The following PARG variants were observed in gnomAD, a reference collection of about 807,000 sequenced individuals.
PARG encodes poly(ADP-ribose) glycohydrolase.
A neutral mutation model predicts 113.0 loss-of-function variants in PARG; 35 were observed. The ratio of observed to expected loss-of-function variants is 0.31; its 90% CI spans 0.24 to 0.41. The LOEUF (loss-of-function observed/expected upper bound fraction) is 0.41, where lower values mean the gene tolerates loss of function less well. Among genes scored for constraint, PARG ranks in the 10% least tolerant of loss-of-function variants. The pLI is 1.00. For missense variants in PARG, 797 were observed against 1,169.4 expected (o/e 0.68, Z 4.64); for synonymous variants, 330 against 409.9 (o/e 0.81, Z 2.36).
chr10:49,903,233 G>A (rs113804691), intron 7 of PARG, among the ~76,000 whole-genome samples: 8,277 of 151,968 alleles, frequency 0.054, 322 homozygotes, highest in Non-Finnish European at 0.087. Context: ...TTGAGGTTGC[G>A]ATGCACTGCA....
chr10:49,922,737 A>G, intron 4 of PARG, 68 bp from the exon 5 acceptor site: 2 of 957,566 alleles, frequency 2.1e-6, no homozygotes, highest in South Asian at 3.4e-5. Flanking sequence ...AAATAATCCT[A>G]AGTAACCAAA....
chr10:49,856,242 C>T lies in PARG; in HGVS notation c.2353+1064G>A, dbSNP rs1334610022. ...TCGCCCAGGCTGCAGTACAGTGGCG[C>T]GATCTCAGCTCACTGCAACCTCTGC... On this transcript the variant is annotated intron_variant, in intron 13 of 17. Coordinates refer to ENST00000616448, the MANE Select transcript of PARG (RefSeq NM_003631.5). 2.2e-4 allele frequency among the ~76,000 whole-genome samples: 33 copies of T among 151,472 alleles called. 1 individual carries two copies. The South Asian group carries it at 3.1e-3, about 14-fold the overall frequency.
chr10:49,818,625 ACCT>A lies in PARG; in HGVS notation c.*712_*714del, dbSNP rs1170716789. 6.6e-6 allele frequency: 1 copy of A among 152,276 alleles called. No homozygotes were observed. Among genetic ancestry groups the A allele is most frequent in the East Asian group, 1.9e-4 (1 of 5,184 alleles). The allele number at this position is 152,276 out of a possible 1,614,324, so 9.4% of individuals were successfully genotyped here. On this transcript the variant is annotated 3_prime_UTR_variant, in exon 18 of 18. Coordinates refer to ENST00000616448, the MANE Select transcript of PARG (RefSeq NM_003631.5). ...GTTTTCTTTACACCACATCAGGAAA[ACCT>A]CCTTTTATTCCACATTTCCTTTCAT...
chr10:49,940,900 G>A (rs1474613522), intron 1 of PARG, among the ~76,000 whole-genome samples: 1 of 152,168 alleles, frequency 6.6e-6, no homozygotes, highest in Admixed American at 6.5e-5. Context: ...CTCAGAATAA[G>A]CATCTCATCT....
Position 49,818,799 on chromosome 10 carries a change from G to A in PARG, c.*541C>T, listed in dbSNP as rs1412623878. ...ATAAAGAAACTATTTTAACCTAGGA[G>A]GTTTGCATTATGCAACACATATGAA... On this transcript the variant is annotated 3_prime_UTR_variant, in exon 18 of 18. Coordinates refer to ENST00000616448, the MANE Select transcript of PARG (RefSeq NM_003631.5). 5 of 152,070 alleles carry A rather than the reference G, an allele frequency of 3.3e-5. No individual in the cohort carries two copies. The allele number at this position is 152,070 out of a possible 1,614,324, so 9.4% of individuals were successfully genotyped here. A position where few individuals can be genotyped will look rare whatever the true frequency, so the allele number is the denominator to read the frequency against.
intron 16 of PARG, among the ~76,000 whole-genome samples, chr10:49,828,119 A>AAAAAAAAAC (rs1554829717): frequency 6.7e-6 from 1 of 149,600 alleles, no homozygotes; most frequent in East Asian, 1.9e-4. Flanking sequence ...AAAAAAAAAA[A>AAAAAAAAAC]AAAGCTCCTT....
At chr10:49,823,703 A>G (rs1317443457) in intron 16 of PARG, among the ~76,000 whole-genome samples, 2 of 152,208 alleles carry the variant, frequency 1.3e-5, no homozygotes, top group East Asian at 3.8e-4. Context: ...CTTTTACTGA[A>G]AATGAAAATT....
rs1260694706 is a variant in PARG, at chr10:49,900,000, A to G, written c.1738-14705T>C. Reference sequence around the variant, plus strand: ...GGAAATAACCTGCAGTTGTCCTTATATTAATTTGACAGTTGCTTAATATGA... The same window carrying G: ...GGAAATAACCTGCAGTTGTCCTTATGTTAATTTGACAGTTGCTTAATATGA... On this transcript the variant is annotated intron_variant, in intron 7 of 17. Coordinates refer to ENST00000616448, the MANE Select transcript of PARG (RefSeq NM_003631.5). 3.9e-5 allele frequency among the ~76,000 whole-genome samples: 6 copies of G among 151,992 alleles called. No homozygotes were observed. The East Asian group carries it at 1.2e-3, about 29-fold the overall frequency.
intron 7 of PARG, among the ~76,000 whole-genome samples, chr10:49,915,198 A>C (rs541471374): frequency 1.3e-5 from 2 of 151,524 alleles, no homozygotes; most frequent in East Asian, 3.9e-4. Flanking sequence ...AAAAAAAAAA[A>C]CACAAAATGG....
chr10:49,922,419 T>C lies in PARG; in HGVS notation c.1579A>G (p.Asn527Asp). 6.2e-7 allele frequency: 1 copy of C among 1,609,096 alleles called. No individual in the cohort carries two copies. The highest frequency in any genetic ancestry group is 8.5e-7 in the Non-Finnish European group (1 of 1,178,424). The change falls in exon 6 of 18, where the codon AAT becomes GAT. Residue 527 changes from asparagine to aspartate, a missense_variant and splice_region_variant. Asn to Asp is a conservative substitution (Grantham distance 23). Coordinates refer to ENST00000616448, the MANE Select transcript of PARG (RefSeq NM_003631.5). ...EQNLYPVEDE[N>D]GERTAGSRWE... The stretch of plus-strand genomic sequence containing the variant: ...CGGCTCCCCGCAGTTCGCTCACCAT[T>C]CTTTTGGAAAAAAGAAAAACATATG...
chr10:49,853,245 C>T (rs1161094539), intron 13 of PARG, among the ~76,000 whole-genome samples: 7 of 151,830 alleles, frequency 4.6e-5, no homozygotes, highest in African/African-American at 1.7e-4. Context: ...ACCACGTTAG[C>T]CAGGATGGTC....
chr10:49,852,037 G>A (rs1169095381), intron 13 of PARG, among the ~76,000 whole-genome samples: 1 of 151,996 alleles, frequency 6.6e-6, no homozygotes, highest in Non-Finnish European at 1.5e-5. Flanking sequence ...CTCTTCTACA[G>A]ATTCAGGCAG....
At chr10:49,880,825 C>G (rs1168766914) in intron 8 of PARG, among the ~76,000 whole-genome samples, 1 of 152,152 alleles carries the variant, frequency 6.6e-6, no homozygotes, top group African/African-American at 2.4e-5. Context: ...AGACTCAATT[C>G]CAGCCTGACT....
intron 7 of PARG, among the ~76,000 whole-genome samples, chr10:49,891,623 A>ATT (rs1160158066): frequency 2.1e-5 from 1 of 47,426 alleles, no homozygotes; most frequent in South Asian, 7.8e-4. Context: ...ATATATATAT[A>ATT]TTTTTTTTTT....
Position 49,876,931 on chromosome 10 carries a change from T to C in PARG, c.1988+2742A>G, listed in dbSNP as rs536501860. Among the ~76,000 whole-genome samples, 48 of 150,758 alleles carry C rather than the reference T, an allele frequency of 3.2e-4. 1 individual carries two copies. Among genetic ancestry groups the C allele is most frequent in the African/African-American group, 9.8e-4 (40 of 40,674 alleles). Reference sequence around the variant, plus strand: ...CTAATATTTATGTAACCAAGGAGCATATTATATATAAAAAAAAAAAACTAT... The same window carrying C: ...CTAATATTTATGTAACCAAGGAGCACATTATATATAAAAAAAAAAAACTAT... On this transcript the variant is annotated intron_variant, in intron 9 of 17. Transcript: ENST00000616448.
intron 3 of PARG, among the ~76,000 whole-genome samples, chr10:49,932,863 A>G (rs1165779448): frequency 2.0e-5 from 3 of 152,262 alleles, no homozygotes; most frequent in South Asian, 4.1e-4. Context: ...ACAATGGTCT[A>G]GAAGAATGTC....
At chr10:49,907,671 A>G (rs1458871406) in intron 7 of PARG, among the ~76,000 whole-genome samples, 5 of 152,218 alleles carry the variant, frequency 3.3e-5, no homozygotes, top group Admixed American at 1.3e-4. Context: ...GGACTATAGA[A>G]TTTATTTTTA....
intron 13 of PARG, among the ~76,000 whole-genome samples, chr10:49,844,432 G>C (rs782576871): frequency 6.6e-6 from 1 of 152,058 alleles, no homozygotes; most frequent in Admixed American, 6.6e-5. Context: ...AGACCAGCTT[G>C]GCCAACATGG....
intron 8 of PARG, among the ~76,000 whole-genome samples, chr10:49,880,206 T>G (rs1847148224): frequency 3.3e-5 from 5 of 152,190 alleles, no homozygotes; most frequent in African/African-American, 1.2e-4. Context: ...TTGTTCTTAT[T>G]TATATTAAAA....
Sources: gnomAD v4.1 joint callset for allele counts (sites outside exome capture counted in the v4.1 genomes callset) on GRCh38, gnomAD v4.1.1 for gene constraint, MANE v1.5 for transcripts, NCBI Gene and HGNC (gene_info 2026-07-23, HGNC 2026-07-21) for gene names.